SGCZ: variants seen among roughly 807,000 people sequenced by gnomAD.
SGCZ encodes zeta-sarcoglycan.
In SGCZ, 40 loss-of-function variants were observed where a neutral mutation model predicts 41.3. The observed-to-expected ratio is 0.97, with a 90% CI of 0.75 to 1.26. The LOEUF (loss-of-function observed/expected upper bound fraction) is 1.26, where lower values mean the gene tolerates loss of function less well. Ranked by LOEUF, SGCZ falls within the 50% of genes most tolerant of loss-of-function variation. The pLI is 0.00. For missense variants in SGCZ, 552 were observed against 369.8 expected, an observed-to-expected ratio of 1.49 and a Z score of -4.04; for synonymous variants, 206 against 137.5, an observed-to-expected ratio of 1.50 and a Z score of -3.49.
At chr8:14,388,021 C>T (rs1175159228) in intron 2 of SGCZ, among the ~76,000 whole-genome samples, 1 of 152,032 alleles carries the variant, frequency 6.6e-6, no homozygotes, top group African/African-American at 2.4e-5. Context: ...GTAAGAAAAA[C>T]ACACAAGGTG....
At chr8:14,761,236 C>G (rs1319806035) in intron 1 of SGCZ, among the ~76,000 whole-genome samples, 1 of 152,060 alleles carries the variant, frequency 6.6e-6, no homozygotes, top group African/African-American at 2.4e-5. Context: ...ATTCCTCTAA[C>G]AAAGCACATT....
chr8:14,433,682 A>G (rs868198542), intron 2 of SGCZ, among the ~76,000 whole-genome samples: 1 of 152,230 alleles, frequency 6.6e-6, no homozygotes, highest in Non-Finnish European at 1.5e-5. Flanking sequence ...CAATGCTCAC[A>G]TAATTTTACA....
At chr8:15,045,990 T>C (rs1296593836) in intron 1 of SGCZ, among the ~76,000 whole-genome samples, 3 of 152,126 alleles carry the variant, frequency 2.0e-5, no homozygotes, top group Non-Finnish European at 4.4e-5. Context: ...AAGACTTTCA[T>C]TGTCTTTAAC....
At chr8:14,515,241 A>G (rs1255446821) in intron 2 of SGCZ, among the ~76,000 whole-genome samples, 1 of 152,022 alleles carries the variant, frequency 6.6e-6, no homozygotes, top group African/African-American at 2.4e-5. Context: ...GGGCAACTGG[A>G]TGGTTTCTGC....
chr8:15,010,622 G>T (rs774748527), intron 1 of SGCZ, among the ~76,000 whole-genome samples: 9 of 152,306 alleles, frequency 5.9e-5, no homozygotes, highest in Non-Finnish European at 7.3e-5. Flanking sequence ...TGACTGGAAT[G>T]AAAGTTCTTT....
At chr8:14,585,632 AT>A (rs900261206) in intron 1 of SGCZ, among the ~76,000 whole-genome samples, 2 of 152,192 alleles carry the variant, frequency 1.3e-5, no homozygotes, top group African/African-American at 4.8e-5. Context: ...TTTATGAAAA[AT>A]ATATCAGACT....
intron 5 of SGCZ, among the ~76,000 whole-genome samples, chr8:14,147,633 C>G (rs1249747289): frequency 4.6e-5 from 7 of 152,160 alleles, no homozygotes; most frequent in African/African-American, 1.7e-4. Flanking sequence ...TAACACCCCA[C>G]TTTCAGCATT....
At chr8:15,173,825 G>A (rs1324257741) in intron 1 of SGCZ, among the ~76,000 whole-genome samples, 2 of 152,156 alleles carry the variant, frequency 1.3e-5, no homozygotes, top group East Asian at 3.9e-4. Context: ...CTGCAGCTTT[G>A]ACCTCTAGGG....
intron 1 of SGCZ, among the ~76,000 whole-genome samples, chr8:15,095,208 C>G (rs1039131916): frequency 2.6e-5 from 4 of 152,176 alleles, no homozygotes; most frequent in Admixed American, 6.5e-5. Context: ...AAGCGACTCT[C>G]CTGCCTCAGC....
intron 4 of SGCZ, among the ~76,000 whole-genome samples, chr8:14,187,467 T>G (rs1345125726): frequency 6.6e-6 from 1 of 152,116 alleles, no homozygotes; most frequent in Non-Finnish European, 1.5e-5. Flanking sequence ...TTTGAAGAAT[T>G]AAATGCAGGT....
intron 1 of SGCZ, among the ~76,000 whole-genome samples, chr8:14,965,118 C>A (rs993853291): frequency 3.9e-5 from 6 of 152,094 alleles, no homozygotes; most frequent in African/African-American, 1.2e-4. Context: ...TCAGGACAAT[C>A]CCGATACTCG....
chr8:14,879,111 G>T (rs1471725789), intron 1 of SGCZ: 1 of 152,134 alleles, frequency 6.6e-6, no homozygotes, highest in Non-Finnish European at 1.5e-5. Flanking sequence ...GATAGCTTGA[G>T]CTCAGGAATT....
intron 2 of SGCZ, among the ~76,000 whole-genome samples, chr8:14,461,825 T>C (rs1337738458): frequency 6.6e-6 from 1 of 152,086 alleles, no homozygotes; most frequent in African/African-American, 2.4e-5. Context: ...TCACAAAACG[T>C]AGTTGCTTGC....
intron 1 of SGCZ, among the ~76,000 whole-genome samples, chr8:14,661,246 A>T (rs1585162597): frequency 6.6e-6 from 1 of 152,294 alleles, no homozygotes; most frequent in African/African-American, 2.4e-5. Context: ...CAACAACTAG[A>T]GTAACTTAAA....
chr8:14,287,010 T>C (rs938643903), intron 3 of SGCZ, among the ~76,000 whole-genome samples: 1 of 152,040 alleles, frequency 6.6e-6, no homozygotes. Flanking sequence ...TAGCCATGTT[T>C]TTGAGAGTTA....
intron 1 of SGCZ, among the ~76,000 whole-genome samples, chr8:14,581,084 G>C (rs184731646): frequency 1.3e-5 from 2 of 152,054 alleles, no homozygotes; most frequent in Non-Finnish European, 2.9e-5. Flanking sequence ...AGGTTGTCTC[G>C]TACTTTGGTT....
At chr8:14,580,541 C>T (rs1235817545) in intron 1 of SGCZ, among the ~76,000 whole-genome samples, 1 of 151,968 alleles carries the variant, frequency 6.6e-6, no homozygotes, top group African/African-American at 2.4e-5. Flanking sequence ...AACAAACCAA[C>T]AAACAAATAA....
At chr8:14,819,604 G>A (rs1449310365) in intron 1 of SGCZ, among the ~76,000 whole-genome samples, 1 of 152,128 alleles carries the variant, frequency 6.6e-6, no homozygotes. Flanking sequence ...AAGTAATGGT[G>A]CAGTGTAAAT....
intron 1 of SGCZ, among the ~76,000 whole-genome samples, chr8:14,827,077 T>C (rs879264931): frequency 6.6e-6 from 1 of 152,010 alleles, no homozygotes; most frequent in Non-Finnish European, 1.5e-5. Context: ...GGTCTATGGA[T>C]TAAAGACTTA....
Sources: gnomAD v4.1 joint callset for allele counts (sites outside exome capture counted in the v4.1 genomes callset) on GRCh38, gnomAD v4.1.1 for gene constraint, MANE v1.5 for transcripts, NCBI Gene and HGNC (gene_info 2026-07-23, HGNC 2026-07-21) for gene names.